MAGI1: variants seen among roughly 807,000 people sequenced by gnomAD.
The protein encoded by MAGI1 is membrane associated guanylate kinase, WW and PDZ domain containing 1.
In MAGI1, 58 loss-of-function variants were observed where a neutral mutation model predicts 139.9. The observed-to-expected ratio is 0.41, with a 90% CI of 0.34 to 0.52. The LOEUF (loss-of-function observed/expected upper bound fraction) is 0.52. MAGI1 is among the 20% of genes least tolerant of loss of function. MAGI1 has a pLI of 0.12. For missense variants in MAGI1, 1,874 were observed against 1,901.6 expected, an observed-to-expected ratio of 0.99 and a Z score of 0.27; for synonymous variants, 812 against 737.9, an observed-to-expected ratio of 1.10 and a Z score of -1.63.
chr3:65,458,169 A>C (rs78232503), intron 5 of MAGI1, among the ~76,000 whole-genome samples: 4,075 of 152,242 alleles, frequency 0.027, 188 homozygotes, highest in African/African-American at 0.093. Context: ...CATTGGGTAT[A>C]TGGACTCCAC....
chr3:65,751,277 A>C (rs2107824532), intron 1 of MAGI1, among the ~76,000 whole-genome samples: 1 of 152,346 alleles, frequency 6.6e-6, no homozygotes, highest in East Asian at 1.9e-4. Flanking sequence ...TCTCATGAAG[A>C]AAGAAATTGT....
At chr3:65,504,243 T>G (rs1236570616) in intron 2 of MAGI1, among the ~76,000 whole-genome samples, 2 of 152,208 alleles carry the variant, frequency 1.3e-5, no homozygotes, top group Non-Finnish European at 1.5e-5. Flanking sequence ...TATCACAGAA[T>G]GATTGTGAGA....
At chr3:65,969,605 A>G (rs2064927157) in intron 1 of MAGI1, among the ~76,000 whole-genome samples, 1 of 152,156 alleles carries the variant, frequency 6.6e-6, no homozygotes, top group Non-Finnish European at 1.5e-5. Context: ...TTGCACTCAC[A>G]AGGTGACCCC....
intron 1 of MAGI1, among the ~76,000 whole-genome samples, chr3:65,658,605 C>T (rs2086018796): frequency 6.6e-6 from 1 of 152,146 alleles, no homozygotes. Flanking sequence ...GGGATGAGTC[C>T]TTACATTCTG....
intron 1 of MAGI1, among the ~76,000 whole-genome samples, chr3:65,695,830 C>T (rs892776710): frequency 3.3e-5 from 5 of 152,200 alleles, no homozygotes; most frequent in Non-Finnish European, 5.9e-5. Flanking sequence ...CTGGGAAAGG[C>T]CTCTGTGGTT....
At chr3:65,950,093 A>AAAAAAAAAAAAAAAC (rs2063751644) in intron 1 of MAGI1, among the ~76,000 whole-genome samples, 1 of 14,990 alleles carries the variant, frequency 6.7e-5, no homozygotes, top group African/African-American at 2.3e-4. Flanking sequence ...AAAAAAACAA[A>AAAAAAAAAAAAAAAC]CAAAAAAAAA....
rs779588733 is a variant in MAGI1 at position 65,627,485 on chromosome 3, C to CTTTTTT, written c.314-5403_314-5398dup. Among the ~76,000 whole-genome samples the CTTTTTT allele has an allele frequency of 5.3e-4, 15 of 28,354 alleles. 3 individuals carry two copies. Among genetic ancestry groups the CTTTTTT allele is most frequent in the Non-Finnish European group, 7.7e-4 (11 of 14,350 alleles). The allele number at this position is 28,354 out of a possible 152,430, so 18.6% of individuals were successfully genotyped here. On this transcript the variant is annotated intron_variant, in intron 1 of 22. Transcript: ENST00000402939. ...TTGCCGTTATTTTATATTTCTGTAT[C>CTTTTTT]TTTTTTTTTTTTTTTTTTTTTTTTT...
intron 7 of MAGI1, among the ~76,000 whole-genome samples, chr3:65,444,844 A>G (rs1948577320): frequency 6.6e-6 from 1 of 152,166 alleles, no homozygotes; most frequent in Non-Finnish European, 1.5e-5. Context: ...GGAACAGATG[A>G]GCAAACTCCA....
intron 6 of MAGI1, among the ~76,000 whole-genome samples, chr3:65,451,450 T>C (rs955289253): frequency 1.3e-5 from 2 of 152,220 alleles, no homozygotes; most frequent in Non-Finnish European, 2.9e-5. Flanking sequence ...TCAGGTTGAG[T>C]AGTCATTATC....
intron 1 of MAGI1, among the ~76,000 whole-genome samples, chr3:65,850,123 A>C (rs2059152681): frequency 6.6e-6 from 1 of 152,166 alleles, no homozygotes; most frequent in Non-Finnish European, 1.5e-5. Flanking sequence ...ACTTGTTTGA[A>C]TACCCTATTT....
At chr3:65,425,555 A>G (rs1946982317) in intron 12 of MAGI1, among the ~76,000 whole-genome samples, 1 of 152,216 alleles carries the variant, frequency 6.6e-6, no homozygotes, top group East Asian at 1.9e-4. Flanking sequence ...TCAGGGTAGA[A>G]GTAGTACCCT....
chr3:65,826,921 C>T (rs910689372), intron 1 of MAGI1, among the ~76,000 whole-genome samples: 2 of 152,204 alleles, frequency 1.3e-5, no homozygotes, highest in Non-Finnish European at 2.9e-5. Flanking sequence ...TCTAATAGCA[C>T]TGCTCTCAGC....
At chr3:65,850,422 A>G (rs530689209) in intron 1 of MAGI1, among the ~76,000 whole-genome samples, 1 of 152,288 alleles carries the variant, frequency 6.6e-6, no homozygotes, top group Non-Finnish European at 1.5e-5. Flanking sequence ...TCCAGGGTAA[A>G]CCAGGATGGC....
At chr3:65,886,738 T>C (rs1027633137) in intron 1 of MAGI1, among the ~76,000 whole-genome samples, 2 of 152,244 alleles carry the variant, frequency 1.3e-5, no homozygotes, top group African/African-American at 4.8e-5. Context: ...AGCGTAGGAC[T>C]GTTACATGGC....
chr3:65,878,451 G>A (rs2060200824), intron 1 of MAGI1, among the ~76,000 whole-genome samples: 1 of 150,320 alleles, frequency 6.7e-6, no homozygotes, highest in Non-Finnish European at 1.5e-5. Flanking sequence ...GGGAAGCAGA[G>A]GTTGCAGTGA....
At chr3:65,411,230 G>GGGTC (rs1945771352) in intron 12 of MAGI1, among the ~76,000 whole-genome samples, 1 of 152,034 alleles carries the variant, frequency 6.6e-6, no homozygotes, top group Non-Finnish European at 1.5e-5. Flanking sequence ...TTTAGAAGTC[G>GGGTC]GGTCTTGTCT....
Position 65,478,809 on chromosome 3 carries a change from G to C in MAGI1, c.551-11C>G. 1 of 1,597,112 alleles carries C rather than the reference G, an allele frequency of 6.3e-7. No individual in the cohort carries two copies. Among genetic ancestry groups the C allele is most frequent in the Non-Finnish European group, 8.6e-7 (1 of 1,164,990 alleles). ...TCCCATAATAGTTTCCTAGGTGATG[G>C]AGAGACACATTTGCATGTTTCAAAA... On this transcript the variant is annotated splice_polypyrimidine_tract_variant and intron_variant, in intron 3 of 22. Coordinates refer to ENST00000402939, the MANE Select transcript of MAGI1 (RefSeq NM_001033057.2).
intron 2 of MAGI1, among the ~76,000 whole-genome samples, chr3:65,566,830 C>T (rs1213222490): frequency 6.9e-6 from 1 of 143,982 alleles, no homozygotes; most frequent in African/African-American, 2.6e-5. Context: ...CTCTCCTGAC[C>T]CGGTGATCCA....
chr3:65,540,907 G>T (rs1485509801), intron 2 of MAGI1, among the ~76,000 whole-genome samples: 3 of 152,204 alleles, frequency 2.0e-5, no homozygotes, highest in East Asian at 3.9e-4. Flanking sequence ...GCTGAGAGAG[G>T]GATTCAGGGC....
Sources: allele counts gnomAD v4.1 joint callset (sites outside exome capture counted in the v4.1 genomes callset), GRCh38; gene constraint gnomAD v4.1.1; transcripts MANE v1.5; gene names NCBI Gene and HGNC (gene_info 2026-07-23, HGNC 2026-07-21).